The following SMURF1 variants were observed in gnomAD, a reference collection of about 807,000 sequenced individuals.
The protein encoded by SMURF1 is SMAD specific E3 ubiquitin protein ligase 1.
SMURF1 carries 44 observed loss-of-function variants against 98.0 expected under a neutral mutation model. The observed-to-expected ratio is 0.45, with a 90% CI of 0.35 to 0.58. The LOEUF is 0.58. SMURF1 is among the 20% of genes least tolerant of loss of function. SMURF1 has a pLI of 0.00. For synonymous variants in SMURF1, 396 were observed against 374.9 expected, an observed-to-expected ratio of 1.06 and a Z score of -0.65; for missense variants, 687 against 938.4, an observed-to-expected ratio of 0.73 and a Z score of 3.50.
At chr7:99,040,303 G>GCGCGCA (rs1339216987) in intron 13 of SMURF1, 75 bp downstream of exon 13, 23 of 1,319,014 alleles carry the variant, frequency 1.7e-5, no homozygotes, top group South Asian at 4.6e-5. Flanking sequence ...ACGCGCGCGC[G>GCGCGCA]CGCGCACGCG....
intron 17 of SMURF1, 73 bp downstream of exon 17, chr7:99,032,964 C>CAAAA: frequency 7.6e-7 from 1 of 1,308,752 alleles, no homozygotes; most frequent in Non-Finnish European, 1.0e-6. Context: ...AAAAAAACAA[C>CAAAA]AAAAAAAAAA....
chr7:99,087,032 C>T (rs1166688125), intron 1 of SMURF1, among the ~76,000 whole-genome samples: 1 of 152,004 alleles, frequency 6.6e-6, no homozygotes, highest in Non-Finnish European at 1.5e-5. Context: ...CTAAATTATG[C>T]ACTTTAAAGG....
chr7:99,065,113 T>G (rs1796156754), intron 1 of SMURF1, among the ~76,000 whole-genome samples: 3 of 152,098 alleles, frequency 2.0e-5, no homozygotes, highest in African/African-American at 7.2e-5. Context: ...TTTTTTCTTT[T>G]TTGAGACAGA....
intron 13 of SMURF1, among the ~76,000 whole-genome samples, chr7:99,039,622 C>T (rs1403322477): frequency 6.6e-6 from 1 of 152,170 alleles, no homozygotes; most frequent in Non-Finnish European, 1.5e-5. Flanking sequence ...CCCACCTCGG[C>T]CCCACAAAGT....
chr7:99,072,218 TTTGCTATG>T (rs1796341927), intron 1 of SMURF1, among the ~76,000 whole-genome samples: 1 of 152,176 alleles, frequency 6.6e-6, no homozygotes, highest in Non-Finnish European at 1.5e-5. Flanking sequence ...GAGATAGGAT[TTTGCTATG>T]TTGCCCAGGC....
intron 1 of SMURF1, among the ~76,000 whole-genome samples, chr7:99,100,900 C>G (rs1468842297): frequency 6.6e-6 from 1 of 152,070 alleles, no homozygotes; most frequent in Non-Finnish European, 1.5e-5. Flanking sequence ...AATTTTAAAT[C>G]CAAAGCCGAG....
At chr7:99,136,389 GT>G (rs1394054342) in intron 1 of SMURF1, among the ~76,000 whole-genome samples, 1 of 152,044 alleles carries the variant, frequency 6.6e-6, no homozygotes, top group African/African-American at 2.4e-5. Flanking sequence ...ACAGATTGTT[GT>G]TCCTAGTTTG....
chr7:99,088,274 TAA>T (rs1485972080), intron 1 of SMURF1, among the ~76,000 whole-genome samples: 2 of 151,178 alleles, frequency 1.3e-5, no homozygotes, highest in South Asian at 2.1e-4. Flanking sequence ...AAAAAAAAAT[TAA>T]AAAGAGTACA....
intron 1 of SMURF1, among the ~76,000 whole-genome samples, chr7:99,076,399 A>T (rs1300629122): frequency 1.3e-5 from 2 of 152,238 alleles, no homozygotes; most frequent in Admixed American, 1.3e-4. Context: ...CCCGATGAGA[A>T]TGGTACTTCA....
chr7:99,045,210 A>C (rs900510557), intron 11 of SMURF1, among the ~76,000 whole-genome samples: 1 of 152,198 alleles, frequency 6.6e-6, no homozygotes, highest in Non-Finnish European at 1.5e-5. Flanking sequence ...GTTTTTCATC[A>C]TTCTATTCTG....
intron 8 of SMURF1, 24 bp downstream of exon 8, chr7:99,051,333 G>C (rs763696469): frequency 6.3e-7 from 1 of 1,581,966 alleles, no homozygotes; most frequent in Non-Finnish European, 8.7e-7. Flanking sequence ...GACAGCTGGG[G>C]GGTGTCCATT....
intron 1 of SMURF1, among the ~76,000 whole-genome samples, chr7:99,093,960 T>G (rs1796886171): frequency 6.6e-6 from 1 of 152,182 alleles, no homozygotes; most frequent in Non-Finnish European, 1.5e-5. Flanking sequence ...GTAGGTGTCA[T>G]TAATAGCTCA....
In SMURF1 at chr7:99,060,570, G is replaced by A. The variant is rs200755905; in HGVS notation, c.203+29C>T. 1,931 of 1,529,116 alleles carry A rather than the reference G, an allele frequency of 1.3e-3. 2 individuals are homozygous for A. The highest frequency in any genetic ancestry group is 1.6e-3 in the Non-Finnish European group (1,802 of 1,107,178). 94.7% of individuals were successfully genotyped at this position (1,529,116 alleles called of 1,614,324 possible). A position where few individuals can be genotyped will look rare whatever the true frequency, so the allele number is the denominator to read the frequency against. On this transcript the variant is annotated intron_variant, in intron 3 of 17. Transcript: ENST00000361368. ...TAGACACCTGCTTTCCTGCCGCTCC[G>A]CATGGGGCTTACAGAACATTCAACT...
chr7:99,120,539 T>C (rs1797585961), intron 1 of SMURF1: 1 of 152,060 alleles, frequency 6.6e-6, no homozygotes, highest in Admixed American at 6.6e-5. Context: ...CTGCTACTGA[T>C]TCTGTCTACA....
intron 1 of SMURF1, among the ~76,000 whole-genome samples, chr7:99,104,921 A>G (rs1399035448): frequency 6.6e-6 from 1 of 152,184 alleles, no homozygotes; most frequent in African/African-American, 2.4e-5. Context: ...CTTTTTCCCA[A>G]GTTTGGTGCC....
intron 5 of SMURF1, among the ~76,000 whole-genome samples, chr7:99,055,592 C>A (rs546833398): frequency 1.1e-4 from 16 of 152,166 alleles, no homozygotes; most frequent in Non-Finnish European, 2.1e-4. Flanking sequence ...CCACCTCAGC[C>A]TCAGAGTAGC....
At chr7:99,056,607 G>A (rs916709474) in intron 5 of SMURF1, among the ~76,000 whole-genome samples, 9 of 151,980 alleles carry the variant, frequency 5.9e-5, no homozygotes, top group East Asian at 1.9e-4. Flanking sequence ...TGGATAATAC[G>A]GTCAAAAATG....
At position 99,040,564 on chromosome 7, in the gene SMURF1, G is replaced by A; in HGVS notation, c.1372-8C>T. ...GAAATAAGACAAGTGGTCCTGTAGG[G>A]GGCACCAGAGAACACGAATTTGTCA... On this transcript the variant is annotated splice_polypyrimidine_tract_variant and splice_region_variant and intron_variant, in intron 12 of 17. Coordinates refer to ENST00000361368, the MANE Select transcript of SMURF1 (RefSeq NM_181349.3). 7.0e-7 allele frequency: 1 copy of A among 1,422,910 alleles called. No homozygotes were observed. The allele number at this position is 1,422,910 out of a possible 1,614,324, so 88.1% of individuals were successfully genotyped here. A position where few individuals can be genotyped will look rare whatever the true frequency, so the allele number is the denominator to read the frequency against.
chr7:99,059,290 T>C (rs1795962532), intron 3 of SMURF1, among the ~76,000 whole-genome samples: 1 of 143,950 alleles, frequency 6.9e-6, no homozygotes, highest in African/African-American at 2.6e-5. Flanking sequence ...CCTAGCTACT[T>C]GGGAGGCTGA....
Sources: gnomAD v4.1 joint callset for allele counts (sites outside exome capture counted in the v4.1 genomes callset) on GRCh38, gnomAD v4.1.1 for gene constraint, MANE v1.5 for transcripts, NCBI Gene and HGNC (gene_info 2026-07-23, HGNC 2026-07-21) for gene names.